The following EPS8L2 variants were observed in gnomAD, a reference collection of about 807,000 sequenced individuals.
EPS8L2 encodes the protein epidermal growth factor receptor kinase substrate 8-like protein 2.
Under a neutral mutation model 99.4 loss-of-function variants are expected in EPS8L2, and 81 were observed. The ratio of observed to expected loss-of-function variants is 0.82; its 90% CI spans 0.68 to 0.98. The LOEUF (loss-of-function observed/expected upper bound fraction) is 0.98. Among genes scored for constraint, EPS8L2 ranks in the 50% least tolerant of loss-of-function variants. EPS8L2 has a pLI of 0.00. For missense variants in EPS8L2, 1,155 were observed against 968.8 expected (o/e 1.19, Z -2.55); for synonymous variants, 509 against 407.3 (o/e 1.25, Z -3.01).
intron 7 of EPS8L2, 34 bp downstream of exon 7, chr11:720,943 C>CGGGGTGGGGAGGAGCCGGCA: frequency 2.0e-6 from 1 of 502,466 alleles, no homozygotes; most frequent in Non-Finnish European, 2.8e-6. Flanking sequence ...TCGCAGGGGG[C>CGGGGTGGGGAGGAGCCGGCA]GGGGAGGGGA....
chr11:726,857 AC>A (rs779432557), intron 20 of EPS8L2, 43 bp from the exon 21 acceptor site: 1 of 1,599,302 alleles, frequency 6.3e-7, no homozygotes, highest in African/African-American at 1.3e-5. Context: ...GCACCCAGAC[AC>A]GTGGGACCCC....
intron 4 of EPS8L2, 58 bp from the exon 5 acceptor site, chr11:720,004 G>C: frequency 6.5e-7 from 1 of 1,534,934 alleles, no homozygotes; most frequent in Non-Finnish European, 8.8e-7. Flanking sequence ...GCCCCTGGGG[G>C]CTGGGCTTTC....
chr11:717,118 A>G (rs995663206), intron 4 of EPS8L2, among the ~76,000 whole-genome samples: 10 of 152,096 alleles, frequency 6.6e-5, no homozygotes, highest in African/African-American at 2.4e-4. Flanking sequence ...CCGGGGTTAC[A>G]GGCGCCCACC....
At position 723,116 on chromosome 11, in the gene EPS8L2, C is replaced by T. The variant is rs73409119; in HGVS notation, c.1342-125C>T. Reference sequence around the variant, plus strand: ...AACCCATGCTGGCATCACCGGGCATCAGGCTCCATCACCCTCAGTGATGCA... The same window carrying T: ...AACCCATGCTGGCATCACCGGGCATTAGGCTCCATCACCCTCAGTGATGCA... On this transcript the variant is annotated intron_variant, in intron 14 of 20. Transcript: ENST00000318562. 0.033 allele frequency: 20,120 copies of T among 609,510 alleles called. 1,730 individuals carry two copies. The highest frequency in any genetic ancestry group is 0.26 in the East Asian group (8,850 of 33,890). 37.8% of individuals were successfully genotyped at this position (609,510 alleles called of 1,614,324 possible).
intron 4 of EPS8L2, among the ~76,000 whole-genome samples, chr11:710,691 T>C (rs1314349783): frequency 6.6e-6 from 1 of 152,174 alleles, no homozygotes; most frequent in East Asian, 1.9e-4. Context: ...ATCGCACCAC[T>C]GCACTCCAGC....
chr11:721,752 C>A, intron 10 of EPS8L2, 61 bp downstream of exon 10: 1 of 1,484,470 alleles, frequency 6.7e-7, no homozygotes, highest in South Asian at 1.1e-5. Context: ...GTGCAGGGGA[C>A]AGGGACGGGG....
intron 4 of EPS8L2, among the ~76,000 whole-genome samples, chr11:715,618 G>GTT (rs929222502): frequency 5.7e-4 from 68 of 120,016 alleles, no homozygotes; most frequent in East Asian, 6.9e-4. Context: ...TTTTTCTTTT[G>GTT]TTTTTTTTTT....
chr11:723,163 AGCCCCTGTCATAT>A, intron 14 of EPS8L2, 65 bp from the exon 15 acceptor site: 1 of 728,064 alleles, frequency 1.4e-6, no homozygotes, highest in South Asian at 1.7e-5. Flanking sequence ...ACATTAGCCC[AGCCCCTGTCATAT>A]GCCCCCTCGT....
rs746821382 is a variant in EPS8L2, at chr11:724,687, C to T, written c.1455-37C>T. The T allele has an allele frequency of 1.5e-5, 22 of 1,492,216 alleles. No individual in the cohort carries two copies. In the Middle Eastern group the frequency reaches 5.1e-4, roughly 35 times the overall value. The allele number at this position is 1,492,216 out of a possible 1,614,324, so 92.4% of individuals were successfully genotyped here. Reference sequence around the variant, plus strand: ...CTGCCCAGGTCTCAGAGGAGACCCCCACCAGACTGGGCCTCAGCCCCTCCT... The same window carrying T: ...CTGCCCAGGTCTCAGAGGAGACCCCTACCAGACTGGGCCTCAGCCCCTCCT... On this transcript the variant is annotated intron_variant, in intron 15 of 20. Transcript: ENST00000318562. This position sits in a 1 kb window ranked among gnomAD's most constrained non-coding sequence, Gnocchi z 5.5.
chr11:722,872 C>A (rs550475159), intron 14 of EPS8L2, 67 bp downstream of exon 14: 9 of 1,086,288 alleles, frequency 8.3e-6, no homozygotes, highest in East Asian at 2.7e-5. Context: ...GAGCTCCCCC[C>A]CAGCCCTGAC....
intron 5 of EPS8L2, among the ~76,000 whole-genome samples, 168 bp downstream of exon 5, chr11:720,391 C>T (rs1862123904): frequency 6.6e-6 from 1 of 152,144 alleles, no homozygotes; most frequent in African/African-American, 2.4e-5. Flanking sequence ...CCGCATAGAG[C>T]TGAGAGTCCA....
rs770244044 is a variant in EPS8L2, at chr11:722,435, G to A, written c.1094G>A (p.Arg365His). The change falls in exon 13 of 21, where the codon CGC (arginine) becomes CAC (histidine). Residue 365 changes from arginine to histidine, a missense_variant. Transcript: ENST00000318562. ...VNTCSGPDIARSVSCPLLSRD... is the reference protein window; with the variant it reads ...VNTCSGPDIAHSVSCPLLSRD... Reference sequence around the variant, plus strand: ...ACCTGCAGTGGCCCAGACATCGCACGCTCCGTCTCCTGCCCACTGCTCTCC... The same window carrying A: ...ACCTGCAGTGGCCCAGACATCGCACACTCCGTCTCCTGCCCACTGCTCTCC... The A allele has an allele frequency of 2.9e-5, 47 of 1,613,214 alleles. No homozygotes were observed. Among genetic ancestry groups the A allele is most frequent in the Non-Finnish European group, 3.6e-5 (43 of 1,179,944 alleles).
intron 4 of EPS8L2, among the ~76,000 whole-genome samples, chr11:710,995 G>A (rs915178185): frequency 1.1e-4 from 16 of 152,186 alleles, no homozygotes; most frequent in African/African-American, 3.9e-4. Flanking sequence ...GCCCAGCCCT[G>A]GATGGGAAGA....
chr11:723,342 A>G lies in EPS8L2; in HGVS notation c.1443A>G (p.Pro481=), dbSNP rs199775528. The G allele has an allele frequency of 2.0e-6, 3 of 1,527,572 alleles. No homozygotes were observed. The highest frequency in any genetic ancestry group is 4.7e-5 in the East Asian group (2 of 42,356). The allele number at this position is 1,527,572 out of a possible 1,614,324, so 94.6% of individuals were successfully genotyped here. The part of the protein sequence containing the change: ...PGDALPPVSS[P]HTHRGYQPTP... ...ATGCCCTACCACCAGTCAGCTCCCC[A>G]CATACTCACAGGTAAGCCCCCCTCA... Residue 481 remains proline, a synonymous_variant, in exon 15 of 21, where the codon CCA becomes CCG. Coordinates refer to ENST00000318562, the MANE Select transcript of EPS8L2 (RefSeq NM_022772.4).
intron 4 of EPS8L2, among the ~76,000 whole-genome samples, chr11:719,455 A>G (rs565643090): frequency 4.6e-5 from 7 of 152,190 alleles, no homozygotes; most frequent in Non-Finnish European, 1.0e-4. Flanking sequence ...GGAGAGGTGA[A>G]GGGCACAGGG....
chr11:725,009 G>C (rs914421265), intron 16 of EPS8L2, among the ~76,000 whole-genome samples, 180 bp downstream of exon 16: 10 of 152,242 alleles, frequency 6.6e-5, no homozygotes, highest in Non-Finnish European at 8.8e-5. Context: ...TCCCCAGCCT[G>C]TTGGAGGGGC....
intron 17 of EPS8L2, 41 bp downstream of exon 17, chr11:725,888 C>T: frequency 7.3e-7 from 1 of 1,361,916 alleles, no homozygotes. Context: ...CCCCCAGCTT[C>T]CTGGAGCAGC....
intron 19 of EPS8L2, 34 bp from the exon 20 acceptor site, chr11:726,585 A>G: frequency 2.6e-6 from 4 of 1,527,854 alleles, no homozygotes; most frequent in Non-Finnish European, 2.6e-6. Context: ...CCTCGCTCAC[A>G]GCGCGGCCCT....
chr11:706,257 G>A lies in EPS8L2; in HGVS notation c.-110G>A, dbSNP rs887943763. 1.3e-5 allele frequency: 2 copies of A among 152,050 alleles called. No individual in the cohort carries two copies. The highest frequency in any genetic ancestry group is 4.8e-5 in the African/African-American group (2 of 41,430). The allele number at this position is 152,050 out of a possible 1,614,324, so 9.4% of individuals were successfully genotyped here. On this transcript the variant is annotated 5_prime_UTR_variant, in exon 1 of 21. Transcript: ENST00000318562. ...GACGGACGCACCGGCGAGCGCCGAG[G>A]GGACAGGCCGAGCGCGGGGCGCCGG...
Sources: gnomAD v4.1 joint callset for allele counts (sites outside exome capture counted in the v4.1 genomes callset) on GRCh38, gnomAD v4.1.1 for gene constraint, Gnocchi (gnomAD v3.1) non-coding constraint, MANE v1.5 for transcripts, NCBI Gene and HGNC (gene_info 2026-07-23, HGNC 2026-07-21) for gene names.